Variants in ZBTB20 observed in about 807,000 individuals in gnomAD.
ZBTB20 encodes the protein zinc finger and BTB domain containing 20, also known as zinc finger and BTB domain-containing protein 20.
A neutral mutation model predicts 56.9 loss-of-function variants in ZBTB20; 9 were observed. That is an observed-to-expected ratio of 0.16 (90% confidence interval 0.10 to 0.28). ZBTB20 has a LOEUF of 0.28. Among genes scored for constraint, ZBTB20 ranks in the 10% least tolerant of loss-of-function variants. The probability of loss-of-function intolerance (pLI) is 1.00; values close to 1 mark genes in which losing one functional copy is unlikely to be tolerated. For missense variants in ZBTB20, 655 were observed against 1,003.0 expected, an observed-to-expected ratio of 0.65 and a Z score of 4.69; for synonymous variants, 417 against 420.7, an observed-to-expected ratio of 0.99 and a Z score of 0.11.
intron 7 of ZBTB20, among the ~76,000 whole-genome samples, chr3:114,473,004 G>T (rs1374464601): frequency 6.6e-6 from 1 of 152,174 alleles, no homozygotes; most frequent in Admixed American, 6.5e-5. Flanking sequence ...AAGGACTTCT[G>T]AAATGCTTAT....
intron 3 of ZBTB20, among the ~76,000 whole-genome samples, chr3:114,959,790 A>C (rs1244579353): frequency 1.3e-5 from 2 of 152,066 alleles, no homozygotes; most frequent in Non-Finnish European, 2.9e-5. Context: ...TTTGAAGCAT[A>C]CAAATTTAGA....
At position 114,548,512 on chromosome 3, in the gene ZBTB20, ATTTTCTTTTTTTTT is replaced by A. The variant is rs536570860; in HGVS notation, c.-294-48135_-294-48122del. 2.3e-3 allele frequency among the ~76,000 whole-genome samples: 336 copies of A among 144,488 alleles called. 1 individual carries two copies. The highest frequency in any genetic ancestry group is 4.5e-3 in the Non-Finnish European group (290 of 65,146). 94.8% of individuals were successfully genotyped at this position (144,488 alleles called of 152,430 possible). On this transcript the variant is annotated intron_variant, in intron 6 of 11. Transcript: ENST00000675478. ...CACTATTTCTTTTGTTTTTCTTTTT[ATTTTCTTTTTTTTT>A]TTTTCTTTTTGAGACAGAGTCTCAC...
intron 2 of ZBTB20, among the ~76,000 whole-genome samples, chr3:115,009,436 C>G (rs922068486): frequency 1.3e-5 from 2 of 151,886 alleles, no homozygotes; most frequent in Non-Finnish European, 2.9e-5. Flanking sequence ...TTTCTCATCC[C>G]CTTTCAGGCA....
In ZBTB20 at chr3:114,575,811, G is replaced by A. The variant is rs530653183; in HGVS notation, c.-294-75420C>T. 2.2e-4 allele frequency among the ~76,000 whole-genome samples: 34 copies of A among 152,304 alleles called. 1 individual carries two copies. The South Asian group carries it at 2.7e-3, about 12-fold the overall frequency. On this transcript the variant is annotated intron_variant, in intron 6 of 11. Coordinates refer to ENST00000675478, the MANE Select transcript of ZBTB20 (RefSeq NM_001348800.3). ...TATATTTATTATTTGTGGAAGAGGG[G>A]TAGGGCATAAGAGGTAAATGTGGAA... is the stretch of plus-strand genomic sequence containing the variant.
chr3:114,405,403 CAGTT>C (rs761045964), intron 7 of ZBTB20, among the ~76,000 whole-genome samples: 6 of 152,076 alleles, frequency 3.9e-5, no homozygotes, highest in East Asian at 1.9e-4. Context: ...CCAAATCTCT[CAGTT>C]AGAGGATCCC....
intron 6 of ZBTB20, among the ~76,000 whole-genome samples, chr3:114,545,655 C>T (rs770899136): frequency 2.0e-5 from 3 of 152,190 alleles, no homozygotes; most frequent in Non-Finnish European, 4.4e-5. Flanking sequence ...TCTCAATAGT[C>T]TGTTTCTCTT....
chr3:114,997,207 G>A (rs1223121713), intron 2 of ZBTB20, among the ~76,000 whole-genome samples: 1 of 151,838 alleles, frequency 6.6e-6, no homozygotes, highest in Non-Finnish European at 1.5e-5. Flanking sequence ...GTATTATGTG[G>A]AGAGATAATC....
intron 5 of ZBTB20, among the ~76,000 whole-genome samples, chr3:114,752,458 A>G (rs1447698862): frequency 2.0e-5 from 3 of 152,218 alleles, no homozygotes; most frequent in Non-Finnish European, 4.4e-5. Context: ...GAGAAGCTGT[A>G]GCCAGTTGGC....
chr3:114,769,098 C>T (rs1490320206), intron 5 of ZBTB20, among the ~76,000 whole-genome samples: 5 of 152,090 alleles, frequency 3.3e-5, no homozygotes, highest in Non-Finnish European at 5.9e-5. Context: ...TATTTTTGAA[C>T]GTGTACTGCA....
chr3:114,544,899 G>A (rs2110139270), intron 6 of ZBTB20, among the ~76,000 whole-genome samples: 1 of 152,232 alleles, frequency 6.6e-6, no homozygotes, highest in Middle Eastern at 3.4e-3. Context: ...ACCAAAACAT[G>A]GAAGATAGTA....
At chr3:114,779,775 T>A (rs1333914128) in intron 5 of ZBTB20, among the ~76,000 whole-genome samples, 1 of 152,162 alleles carries the variant, frequency 6.6e-6, no homozygotes, top group Non-Finnish European at 1.5e-5. Context: ...TGAGATACAC[T>A]TAGGAATCTT....
chr3:114,683,652 A>T (rs1379271869), intron 6 of ZBTB20, among the ~76,000 whole-genome samples: 1 of 152,030 alleles, frequency 6.6e-6, no homozygotes. Context: ...TTCCAGCTCT[A>T]TTCCTCCTTT....
intron 4 of ZBTB20, among the ~76,000 whole-genome samples, chr3:114,827,527 C>T (rs1047015268): frequency 2.0e-5 from 3 of 151,782 alleles, no homozygotes; most frequent in African/African-American, 4.8e-5. Context: ...TAGGTCTTAG[C>T]GCTTAAGCAT....
intron 1 of ZBTB20, among the ~76,000 whole-genome samples, chr3:115,072,878 G>A (rs1259704069): frequency 6.6e-6 from 1 of 152,142 alleles, no homozygotes; most frequent in Admixed American, 6.6e-5. Flanking sequence ...ATAACCAGAT[G>A]CGTGACTTTG....
intron 2 of ZBTB20, among the ~76,000 whole-genome samples, chr3:114,980,504 G>C (rs2078283152): frequency 6.6e-6 from 1 of 151,714 alleles, no homozygotes; most frequent in African/African-American, 2.4e-5. Flanking sequence ...AAAAATAGAA[G>C]ACTTTTTTTA....
intron 2 of ZBTB20, among the ~76,000 whole-genome samples, chr3:114,996,298 G>A (rs960846772): frequency 3.3e-5 from 5 of 151,686 alleles, no homozygotes; most frequent in African/African-American, 1.2e-4. Flanking sequence ...ATGGTGGCTT[G>A]CTGCACCCAT....
intron 5 of ZBTB20, among the ~76,000 whole-genome samples, chr3:114,736,009 T>C (rs995705447): frequency 6.6e-6 from 1 of 152,204 alleles, no homozygotes; most frequent in East Asian, 1.9e-4. Context: ...ATGATGTTTA[T>C]GTAGAGTAGT....
At chr3:114,609,391 G>T (rs2057390577) in intron 6 of ZBTB20, among the ~76,000 whole-genome samples, 1 of 152,128 alleles carries the variant, frequency 6.6e-6, no homozygotes, top group African/African-American at 2.4e-5. Context: ...ATTACAAATT[G>T]CACAATTAAT....
At chr3:114,748,380 T>TCTCTCTCTCTCTCTCTCTC (rs1277740782) in intron 5 of ZBTB20, among the ~76,000 whole-genome samples, 20 of 36,146 alleles carry the variant, frequency 5.5e-4, no homozygotes, top group Admixed American at 3.0e-3. Flanking sequence ...CTCTCTCTCT[T>TCTCTCTCTCTCTCTCTCTC]TCTTTCTTTT....
Sources: gnomAD v4.1 joint callset for allele counts (sites outside exome capture counted in the v4.1 genomes callset) on GRCh38, gnomAD v4.1.1 for gene constraint, MANE v1.5 for transcripts, NCBI Gene and HGNC (gene_info 2026-07-23, HGNC 2026-07-21) for gene names.